Variants in FCRL5 observed in about 807,000 individuals in gnomAD.
FCRL5 encodes Fc receptor-like protein 5.
Under a neutral mutation model 92.1 loss-of-function variants are expected in FCRL5, and 79 were observed. The observed-to-expected ratio is 0.86, with a 90% CI of 0.72 to 1.03. FCRL5 has a LOEUF of 1.03. FCRL5 is among the 50% of genes least tolerant of loss of function. The pLI is 0.00. For synonymous variants in FCRL5, 466 were observed against 469.3 expected (o/e 0.99, Z 0.09); for missense variants, 1,160 against 1,181.1 (o/e 0.98, Z 0.26).
chr1:157,547,118 G>A lies in FCRL5; in HGVS notation c.132C>T (p.Cys44=). The A allele has an allele frequency of 6.2e-7, 1 of 1,614,102 alleles. No individual in the cohort carries two copies. ...VFQGERVTLT[C]KGFRFYSPQK... is the part of the protein sequence containing the mutation. The stretch of plus-strand genomic sequence containing the variant: ...GTGGTGAGTAGAAGCGAAATCCCTT[G>A]CAAGTGAGGGTCACTCTCTCTCCTT... The change falls in exon 3 of 17, where the codon TGC becomes TGT. Residue 44 remains cysteine, a synonymous_variant. Transcript: ENST00000361835.
intron 15 of FCRL5, 168 bp from the exon 16 acceptor site, chr1:157,516,041 T>C (rs1327723830): frequency 1.4e-6 from 1 of 722,978 alleles, no homozygotes; most frequent in African/African-American, 1.7e-5. Flanking sequence ...CATTCCCAAC[T>C]CCCTCAGCCT....
intron 8 of FCRL5, among the ~76,000 whole-genome samples, chr1:157,530,089 T>G (rs373484206): frequency 2.0e-4 from 31 of 152,242 alleles, no homozygotes; most frequent in Non-Finnish European, 3.7e-4. Context: ...GTTGAGTATT[T>G]GGTGACACTT....
intron 11 of FCRL5, among the ~76,000 whole-genome samples, 177 bp from the exon 12 acceptor site, chr1:157,520,724 C>A (rs540577410): frequency 2.0e-5 from 3 of 152,210 alleles, no homozygotes. Flanking sequence ...GCCGTCTCTG[C>A]GCCTGAGACA....
chr1:157,516,508 C>T (rs1294286489), intron 15 of FCRL5, among the ~76,000 whole-genome samples: 6 of 152,170 alleles, frequency 3.9e-5, no homozygotes, highest in Admixed American at 2.6e-4. Flanking sequence ...AATACATTTT[C>T]TCTCTCTCTA....
intron 3 of FCRL5, 57 bp from the exon 4 acceptor site, chr1:157,545,139 AT>A: frequency 9.7e-6 from 15 of 1,546,626 alleles, no homozygotes; most frequent in Non-Finnish European, 1.2e-5. Context: ...CTTTCTTTTC[AT>A]TGTTTTTCCA....
chr1:157,546,840 A>G, intron 3 of FCRL5, 103 bp downstream of exon 3: 2 of 1,386,536 alleles, frequency 1.4e-6, no homozygotes, highest in Non-Finnish European at 2.0e-6. Flanking sequence ...GTGAAATAAA[A>G]TTGTCCACTC....
At chr1:157,534,974 T>A in intron 7 of FCRL5, 82 bp from the exon 8 acceptor site, 1 of 1,347,436 alleles carries the variant, frequency 7.4e-7, no homozygotes, top group Admixed American at 2.4e-5. Flanking sequence ...AGATGCCCAG[T>A]CTCCAGTACA....
intron 9 of FCRL5, among the ~76,000 whole-genome samples, 154 bp from the exon 10 acceptor site, chr1:157,524,711 A>G (rs1650355415): frequency 6.6e-6 from 1 of 152,276 alleles, no homozygotes; most frequent in East Asian, 1.9e-4. Context: ...TCCAGAAAGA[A>G]CAACATTTGT....
At chr1:157,548,629 T>C (rs1651665826) in intron 2 of FCRL5, among the ~76,000 whole-genome samples, 1 of 152,206 alleles carries the variant, frequency 6.6e-6, no homozygotes, top group African/African-American at 2.4e-5. Context: ...GTGAAGGATA[T>C]GAACAGACAC....
intron 8 of FCRL5, chr1:157,532,893 C>T (rs1020064245): frequency 2.0e-5 from 3 of 149,172 alleles, no homozygotes; most frequent in Non-Finnish European, 4.4e-5. Context: ...TAGATTTTGT[C>T]ATTAGGTGTT....
chr1:157,545,678 G>A (rs1006910667), intron 3 of FCRL5, among the ~76,000 whole-genome samples: 7 of 151,798 alleles, frequency 4.6e-5, no homozygotes, highest in South Asian at 2.1e-4. Context: ...ACAGGCACCC[G>A]CCACCAAGCC....
chr1:157,535,360 T>C (rs1220004182), intron 7 of FCRL5, among the ~76,000 whole-genome samples: 5 of 152,232 alleles, frequency 3.3e-5, no homozygotes, highest in Non-Finnish European at 7.3e-5. Flanking sequence ...TCTTTTGGCT[T>C]CTTCCAAACT....
At chr1:157,516,710 T>C (rs1649950097) in intron 15 of FCRL5, among the ~76,000 whole-genome samples, 2 of 152,248 alleles carry the variant, frequency 1.3e-5, no homozygotes, top group South Asian at 4.1e-4. Flanking sequence ...GAGAGAAATA[T>C]GACATTCTCC....
intron 8 of FCRL5, chr1:157,533,143 A>G (rs754705845): frequency 1.3e-5 from 2 of 152,116 alleles, no homozygotes; most frequent in Non-Finnish European, 2.9e-5. Context: ...TTAACCTCAA[A>G]GTCAATAACG....
chr1:157,543,953 C>A (rs896469177), intron 5 of FCRL5, among the ~76,000 whole-genome samples: 2 of 151,260 alleles, frequency 1.3e-5, no homozygotes, highest in African/African-American at 4.9e-5. Context: ...ATGCCACAGC[C>A]CATGGCTTAT....
At chr1:157,520,410 G>A in intron 12 of FCRL5, 21 bp downstream of exon 12, 1 of 1,529,064 alleles carries the variant, frequency 6.5e-7, no homozygotes, top group South Asian at 1.2e-5. Context: ...CTCAAGCCAA[G>A]GTGTGCCCAG....
At chr1:157,537,207 T>A (rs34509322) in intron 7 of FCRL5, among the ~76,000 whole-genome samples, 13,309 of 152,242 alleles carry the variant, frequency 0.087, 1,568 homozygotes, top group African/African-American at 0.27. Flanking sequence ...TTCTTCTTTC[T>A]AAATCAAATA....
chr1:157,533,047 C>T (rs1044813103), intron 8 of FCRL5: 1 of 152,144 alleles, frequency 6.6e-6, no homozygotes, highest in African/African-American at 2.4e-5. Flanking sequence ...GTATTGAGTG[C>T]ACTGCAAAGT....
At chr1:157,530,270 C>A (rs533467704) in intron 8 of FCRL5, among the ~76,000 whole-genome samples, 1 of 152,160 alleles carries the variant, frequency 6.6e-6, no homozygotes, top group Non-Finnish European at 1.5e-5. Flanking sequence ...ACATCACTAA[C>A]TTTTAAAACT....
Sources: allele counts gnomAD v4.1 joint callset (sites outside exome capture counted in the v4.1 genomes callset), GRCh38; gene constraint gnomAD v4.1.1; transcripts MANE v1.5; gene names NCBI Gene and HGNC (gene_info 2026-07-23, HGNC 2026-07-21).